AQP10: variants seen among roughly 807,000 people sequenced by gnomAD.
The protein encoded by AQP10 is aquaporin 10, also known as aquaporin-10.
In AQP10, 15 loss-of-function variants were observed where a neutral mutation model predicts 21.0. That is an observed-to-expected ratio of 0.71 (90% CI 0.48 to 1.10). The LOEUF is 1.10. Among genes scored for constraint, AQP10 ranks in the 50% least tolerant of loss-of-function variants. AQP10 has a pLI of 0.00. For synonymous variants in AQP10, 143 were observed against 155.7 expected (o/e 0.92, Z 0.61); for missense variants, 268 against 379.5 (o/e 0.71, Z 2.44).
chr1:154,321,685 C>T (rs1685644294), intron 1 of AQP10, among the ~76,000 whole-genome samples: 1 of 152,174 alleles, frequency 6.6e-6, no homozygotes, highest in Admixed American at 6.5e-5. Flanking sequence ...TAAAGCTGAG[C>T]CCTGCCATGG....
intron 2 of AQP10, among the ~76,000 whole-genome samples, chr1:154,322,487 TTC>T (rs1491048491): frequency 4.2e-4 from 9 of 21,444 alleles, no homozygotes; most frequent in East Asian, 1.1e-3. Context: ...CAGTGTCTTC[TTC>T]TTTTTTTTTT....
chr1:154,324,217 G>A (rs1000026795), intron 5 of AQP10, 65 bp from the exon 6 acceptor site: 75 of 1,433,284 alleles, frequency 5.2e-5, no homozygotes, highest in South Asian at 3.2e-4. Context: ...ACTGCCCCCC[G>A]TCCTTGGAGA....
chr1:154,323,261 G>A lies in AQP10; in HGVS notation c.391G>A (p.Gly131Ser). ...LYHDALQNYT[G>S]GNLTVTGPKE... ...CACAGATGCCCTACAGAACTATACA[G>A]GTGGGAACCTGACAGTGACTGGCCC... Residue 131 changes from glycine (G) to serine (S), a missense_variant, in exon 4 of 6, where the codon GGT (glycine) becomes AGT (serine). This residue lies in a region of AQP10 where 229 missense variants were observed against 295.1 expected (regional missense o/e 0.78). Transcript: ENST00000324978. This position sits in a 1 kb window ranked among gnomAD's most constrained non-coding sequence, Gnocchi z 4.5. 2 of 1,614,182 alleles carry A rather than the reference G, an allele frequency of 1.2e-6. No individual in the cohort carries two copies. The highest frequency in any genetic ancestry group is 1.7e-6 in the Non-Finnish European group (2 of 1,180,032).
At position 154,322,294 on chromosome 1, in the gene AQP10, C is replaced by T. The variant is rs138528574; in HGVS notation, c.232+235C>T. On this transcript the variant is annotated intron_variant, in intron 2 of 5. Coordinates refer to ENST00000324978, the MANE Select transcript of AQP10 (RefSeq NM_080429.3). ...CTAGACAGAAATCAATGGCAGGGCA[C>T]GAAGGGCAGCTGCTATCCTCTTGTA... Among the ~76,000 whole-genome samples, 1,371 of 152,190 alleles carry T rather than the reference C, an allele frequency of 9.0e-3. 23 individuals are homozygous for T. The highest frequency in any genetic ancestry group is 0.032 in the African/African-American group (1,310 of 41,506).
Position 154,324,366 on chromosome 1 carries a change from G to A in AQP10, c.792G>A (p.Val264=). The part of the protein sequence containing the change: ...TVGTATYQLL[V]ALHHPEGPEP... ...GCACAGCCACTTACCAGCTGTTGGT[G>A]GCTCTGCACCACCCTGAGGGCCCAG... Residue 264 remains valine, a synonymous_variant, in exon 6 of 6, where the codon GTG becomes GTA. Coordinates refer to ENST00000324978, the MANE Select transcript of AQP10 (RefSeq NM_080429.3). 1 of 1,612,072 alleles carries A rather than the reference G, an allele frequency of 6.2e-7. No homozygotes were observed. Among genetic ancestry groups the A allele is most frequent in the Non-Finnish European group, 8.5e-7 (1 of 1,179,414 alleles).
In AQP10 at chr1:154,324,134, A is replaced by G. The variant is rs1685709460; in HGVS notation, c.708-148A>G. On this transcript the variant is annotated intron_variant, in intron 5 of 5. Coordinates refer to ENST00000324978, the MANE Select transcript of AQP10 (RefSeq NM_080429.3). ...CCTGGGGTTCCCTCTTCTAAATACTATGCTTTGGTGACAAGGCAATCCTCT... is the reference window on the plus strand; with the variant it reads ...CCTGGGGTTCCCTCTTCTAAATACTGTGCTTTGGTGACAAGGCAATCCTCT... The G allele has an allele frequency of 5.5e-6, 6 of 1,100,866 alleles. No homozygotes were observed. The Admixed American group carries it at 1.5e-4, about 27-fold the overall frequency. The allele number at this position is 1,100,866 out of a possible 1,614,324, so 68.2% of individuals were successfully genotyped here.
chr1:154,323,389 T>A lies in AQP10; in HGVS notation c.489+30T>A, dbSNP rs770661309. ...GTGTGAGGGGGAGACCTGGGGACAC[T>A]ACTTTGGTCCTGTTCCTCGGCACCC... On this transcript the variant is annotated intron_variant, in intron 4 of 5. Transcript: ENST00000324978. The surrounding 1 kb of genome is among the most constrained non-coding windows in gnomAD (Gnocchi z 4.5). 1.2e-6 allele frequency: 2 copies of A among 1,600,210 alleles called. No homozygotes were observed. The highest frequency in any genetic ancestry group is 3.3e-5 in the Admixed American group (2 of 59,984).
intron 5 of AQP10, 58 bp from the exon 6 acceptor site, chr1:154,324,224 G>T: frequency 6.8e-7 from 1 of 1,463,014 alleles, no homozygotes; most frequent in South Asian, 1.4e-5. Context: ...CCCGTCCTTG[G>T]AGAGGGGAAG....
At chr1:154,322,653 C>T (rs1039188840) in intron 2 of AQP10, among the ~76,000 whole-genome samples, 2 of 152,036 alleles carry the variant, frequency 1.3e-5, no homozygotes, top group Non-Finnish European at 2.9e-5. Context: ...CACCTGCTAC[C>T]ACGCCTGGCT....
In AQP10 at chr1:154,323,693, C is replaced by T. The variant is rs1460903406; in HGVS notation, c.594C>T (p.Ile198=). The T allele has an allele frequency of 6.2e-7, 1 of 1,614,058 alleles. No individual in the cohort carries two copies. The highest frequency in any genetic ancestry group is 8.5e-7 in the Non-Finnish European group (1 of 1,180,038). ...GLEPVVVGML[I]LALGLSMGAN... ...AGCCTGTGGTGGTGGGGATGCTGAT[C>T]CTGGCCCTCGGGTTATCCATGGGTG... The change falls in exon 5 of 6, where the codon ATC becomes ATT. Residue 198 remains isoleucine (I), a synonymous_variant. Transcript: ENST00000324978. The surrounding 1 kb of genome is among the most constrained non-coding windows in gnomAD (Gnocchi z 4.5).
At position 154,323,589 on chromosome 1, in the gene AQP10, G is replaced by A. The variant is rs934672125; in HGVS notation, c.490G>A (p.Val164Ile). 3.7e-6 allele frequency: 6 copies of A among 1,613,052 alleles called. No individual in the cohort carries two copies. The Admixed American group carries it at 5.0e-5, about 13-fold the overall frequency. ...LSLNNGFLDQVLGTGMLIVGL... is the reference protein window; with the variant it reads ...LSLNNGFLDQILGTGMLIVGL... ...ACCCTCTGCCTCTGTTGACTCCAAG[G>A]TTCTGGGCACTGGGATGCTGATTGT... is the stretch of plus-strand genomic sequence containing the variant. The change falls in exon 5 of 6, where the codon GTT becomes ATT. Residue 164 changes from valine (V) to isoleucine (I), a missense_variant and splice_region_variant. This residue lies in a region of AQP10 where 229 missense variants were observed against 295.1 expected (regional missense o/e 0.78). Transcript: ENST00000324978. The surrounding 1 kb of genome is among the most constrained non-coding windows in gnomAD (Gnocchi z 4.5).
chr1:154,324,270 C>A lies in AQP10; in HGVS notation c.708-12C>A, dbSNP rs1429758504. 6.5e-7 allele frequency: 1 copy of A among 1,528,714 alleles called. No individual in the cohort carries two copies. Among genetic ancestry groups the A allele is most frequent in the East Asian group, 2.3e-5 (1 of 43,958 alleles). The allele number at this position is 1,528,714 out of a possible 1,614,324, so 94.7% of individuals were successfully genotyped here. A position where few individuals can be genotyped will look rare whatever the true frequency, so the allele number is the denominator to read the frequency against. On this transcript the variant is annotated splice_polypyrimidine_tract_variant and intron_variant, in intron 5 of 5. Coordinates refer to ENST00000324978, the MANE Select transcript of AQP10 (RefSeq NM_080429.3). ...TCACTCCTGATACCTTCCCACTGTC[C>A]TTCTTTTGCAGTGCTGGTAATGGCT...
chr1:154,321,125 G>A lies in AQP10; in HGVS notation c.-31G>A. The A allele has an allele frequency of 6.4e-7, 1 of 1,574,420 alleles. No homozygotes were observed. Among genetic ancestry groups the A allele is most frequent in the Non-Finnish European group, 8.7e-7 (1 of 1,148,512 alleles). On this transcript the variant is annotated 5_prime_UTR_variant, in exon 1 of 6. Coordinates refer to ENST00000324978, the MANE Select transcript of AQP10 (RefSeq NM_080429.3). ...GACAGTGTGCCTATGCAGACAGAGG[G>A]AGCAGTGAATAGCAATAGGGTGTTT...
chr1:154,324,629 A>G lies in AQP10; in HGVS notation c.*149A>G. 1.3e-6 allele frequency: 1 copy of G among 781,810 alleles called. No homozygotes were observed. The highest frequency in any genetic ancestry group is 2.0e-6 in the Non-Finnish European group (1 of 505,734). 48.4% of individuals were successfully genotyped at this position (781,810 alleles called of 1,614,324 possible). A position where few individuals can be genotyped will look rare whatever the true frequency, so the allele number is the denominator to read the frequency against. On this transcript the variant is annotated 3_prime_UTR_variant, in exon 6 of 6. Coordinates refer to ENST00000324978, the MANE Select transcript of AQP10 (RefSeq NM_080429.3). ...TGGCATCCCTTCCTCCTAAACTAAG[A>G]AGGATCCTGGACAGGGAGAAGTGGA...
Position 154,324,318 on chromosome 1 carries a change from C to A in AQP10, c.744C>A (p.Ala248=). The A allele has an allele frequency of 7.0e-6, 11 of 1,574,430 alleles. No homozygotes were observed. The highest frequency in any genetic ancestry group is 8.6e-6 in the Non-Finnish European group (10 of 1,165,508). The part of the protein sequence containing the change: ...GNGWWWVPVV[A]PLVGATVGTA... ...GCTGGTGGTGGGTGCCTGTGGTGGC[C>A]CCTCTGGTGGGGGCCACCGTTGGCA... Residue 248 remains alanine, a synonymous_variant, in exon 6 of 6, where the codon GCC becomes GCA. Transcript: ENST00000324978.
chr1:154,321,822 T>C, intron 1 of AQP10, 111 bp from the exon 2 acceptor site: 1 of 1,451,416 alleles, frequency 6.9e-7, no homozygotes, highest in South Asian at 1.3e-5. Context: ...CTCCTTCCCT[T>C]GCTTGTCTTC....
chr1:154,321,136 A>C lies in AQP10; in HGVS notation c.-20A>C, dbSNP rs748128844. 7.5e-6 allele frequency: 12 copies of C among 1,599,756 alleles called. No individual in the cohort carries two copies. ...TATGCAGACAGAGGGAGCAGTGAAT[A>C]GCAATAGGGTGTTTCCACCATGGTC... On this transcript the variant is annotated 5_prime_UTR_variant, in exon 1 of 6. Transcript: ENST00000324978.
In AQP10 at chr1:154,322,029, A is replaced by G; in HGVS notation, c.202A>G (p.Ile68Val). The change falls in exon 2 of 6, where the codon ATA (isoleucine) becomes GTA (valine). Residue 68 changes from isoleucine (I) to valine (V), a missense_variant. Physicochemically the swap from Ile to Val is conservative, Grantham distance 29. Around this residue, in one of 3 missense-constraint regions of AQP10, gnomAD observed 229 missense variants for 295.1 expected, o/e 0.78. Transcript: ENST00000324978. ...MFLAGSLAVT[I>V]AIYVGGNVSG... ...TCTGGCTGGCTCTCTGGCCGTTACG[A>G]TAGCCATCTACGTGGGTGGTAACGT... 1 of 1,613,686 alleles carries G rather than the reference A, an allele frequency of 6.2e-7. No individual in the cohort carries two copies. Among genetic ancestry groups the G allele is most frequent in the Non-Finnish European group, 8.5e-7 (1 of 1,179,820 alleles).
chr1:154,323,744 T>C lies in AQP10; in HGVS notation c.645T>C (p.Pro215=). The C allele has an allele frequency of 6.2e-7, 1 of 1,614,180 alleles. No individual in the cohort carries two copies. The highest frequency in any genetic ancestry group is 8.5e-7 in the Non-Finnish European group (1 of 1,180,024). Reference sequence around the variant, plus strand: ...CCAACTGCGGGATTCCACTCAACCCTGCCCGGGACCTGGGCCCACGTCTCT... The same window carrying C: ...CCAACTGCGGGATTCCACTCAACCCCGCCCGGGACCTGGGCCCACGTCTCT... The part of the protein sequence containing the change: ...MGANCGIPLN[P]ARDLGPRLFT... The change falls in exon 5 of 6, where the codon CCT becomes CCC. Residue 215 remains proline (P), a synonymous_variant. Transcript: ENST00000324978. The surrounding 1 kb of genome is among the most constrained non-coding windows in gnomAD (Gnocchi z 4.5).
Sources: allele counts gnomAD v4.1 joint callset (sites outside exome capture counted in the v4.1 genomes callset), GRCh38; gene constraint gnomAD v4.1.1; regional missense constraint gnomAD v4.1.1; non-coding constraint Gnocchi (gnomAD v3.1); transcripts MANE v1.5; gene names NCBI Gene and HGNC (gene_info 2026-07-23, HGNC 2026-07-21).